SATB2: variants seen among roughly 807,000 people sequenced by gnomAD.
SATB2 encodes the protein SATB homeobox 2, also known as DNA-binding protein SATB2.
In SATB2, 1 loss-of-function variant was observed where a neutral mutation model predicts 73.4. That is an observed-to-expected ratio of 0.01 (90% CI 0.00 to 0.06). The LOEUF is 0.06. SATB2 is among the 10% of genes least tolerant of loss of function. The pLI, the probability that SATB2 is intolerant of heterozygous loss-of-function variation, is 1.00. For synonymous variants in SATB2, 397 were observed against 367.0 expected (o/e 1.08, Z -0.93); for missense variants, 459 against 945.8 (o/e 0.49, Z 6.75).
chr2:199,355,340 G>C (rs373956684), intron 6 of SATB2, among the ~76,000 whole-genome samples: 1 of 13,864 alleles, frequency 7.2e-5, no homozygotes, highest in African/African-American at 8.5e-5. Flanking sequence ...GTGTGTGTGT[G>C]TGTGTATCTA....
intron 1 of SATB2, 80 bp from the exon 2 acceptor site, chr2:199,456,176 C>A (rs1692269001): frequency 3.5e-6 from 3 of 846,282 alleles, no homozygotes; most frequent in African/African-American, 1.7e-5. Flanking sequence ...ACGTTCAGGC[C>A]AGTGGCAGAG....
intron 3 of SATB2, among the ~76,000 whole-genome samples, chr2:199,403,486 T>A (rs959384448): frequency 6.6e-6 from 1 of 152,146 alleles, no homozygotes; most frequent in Non-Finnish European, 1.5e-5. Context: ...GTAAGAAATA[T>A]CTTGGGTCAC....
chr2:199,376,136 C>G (rs529806731), intron 5 of SATB2, among the ~76,000 whole-genome samples: 2 of 152,128 alleles, frequency 1.3e-5, no homozygotes, highest in Non-Finnish European at 1.5e-5. Flanking sequence ...TCCATGATAG[C>G]TGAAAAGAGC....
In SATB2 at chr2:199,438,185, T is replaced by C. The variant is rs78333197; in HGVS notation, c.170-4671A>G. 1.5e-3 allele frequency among the ~76,000 whole-genome samples: 222 copies of C among 152,358 alleles called. 1 individual carries two copies. The highest frequency in any genetic ancestry group is 5.0e-3 in the African/African-American group (208 of 41,570). On this transcript the variant is annotated intron_variant, in intron 2 of 10. Coordinates refer to ENST00000417098, the MANE Select transcript of SATB2 (RefSeq NM_001172509.2). Reference sequence around the variant, plus strand: ...ATATTGAGTTAAATAAAATATATTATTAAAATTAACTTCACCTGTTTAACT... The same window carrying C: ...ATATTGAGTTAAATAAAATATATTACTAAAATTAACTTCACCTGTTTAACT...
intron 10 of SATB2, among the ~76,000 whole-genome samples, chr2:199,301,555 A>G (rs1687290464): frequency 6.6e-6 from 1 of 152,210 alleles, no homozygotes; most frequent in African/African-American, 2.4e-5. Flanking sequence ...AGGCATTCAG[A>G]TGACTGATTG....
At chr2:199,310,562 A>G (rs1335046559) in intron 9 of SATB2, among the ~76,000 whole-genome samples, 4 of 152,202 alleles carry the variant, frequency 2.6e-5, no homozygotes, top group Non-Finnish European at 5.9e-5. Flanking sequence ...TTCTTTGCAT[A>G]AAGTAAAAGA....
chr2:199,455,768 G>T lies in SATB2; in HGVS notation c.169+101C>A. On this transcript the variant is annotated intron_variant, in intron 2 of 10. Transcript: ENST00000417098. This position sits in a 1 kb window ranked among gnomAD's most constrained non-coding sequence, Gnocchi z 4.1. ...TTTGGCAACCTGGAATTCACTTCCT[G>T]TAATCCTACACCGCGACAGCGCCTA... 7.4e-7 allele frequency: 1 copy of T among 1,349,498 alleles called. No individual in the cohort carries two copies. The highest frequency in any genetic ancestry group is 1.0e-6 in the Non-Finnish European group (1 of 980,468). The allele number at this position is 1,349,498 out of a possible 1,614,324, so 83.6% of individuals were successfully genotyped here.
At chr2:199,437,924 T>C (rs553393985) in intron 2 of SATB2, among the ~76,000 whole-genome samples, 59 of 152,280 alleles carry the variant, frequency 3.9e-4, no homozygotes, top group African/African-American at 1.3e-3. Flanking sequence ...GACAACTGGC[T>C]TAAAGTGTTT....
At chr2:199,419,402 A>G (rs1054558588) in intron 3 of SATB2, among the ~76,000 whole-genome samples, 8 of 152,250 alleles carry the variant, frequency 5.3e-5, no homozygotes, top group Admixed American at 3.9e-4. Context: ...CCTGAAAATA[A>G]TCCATTCTCC....
At chr2:199,429,559 T>G (rs1054171959) in intron 3 of SATB2, among the ~76,000 whole-genome samples, 31 of 152,080 alleles carry the variant, frequency 2.0e-4, no homozygotes, top group Admixed American at 2.0e-3. Context: ...ATTTTGACCT[T>G]AAAAAAAATC....
chr2:199,298,791 T>C (rs1469060877), intron 10 of SATB2, among the ~76,000 whole-genome samples: 11 of 152,190 alleles, frequency 7.2e-5, no homozygotes, highest in Admixed American at 7.2e-4. Flanking sequence ...TCTACCCAGG[T>C]GGGGAAGCCC....
intron 1 of SATB2, among the ~76,000 whole-genome samples, 195 bp from the exon 2 acceptor site, chr2:199,456,291 C>T (rs1378106850): frequency 6.6e-6 from 1 of 152,262 alleles, no homozygotes; most frequent in Non-Finnish European, 1.5e-5. Flanking sequence ...AGCCCAGCGC[C>T]TCGGTTCGGC....
chr2:199,436,863 G>T (rs1286106345), intron 2 of SATB2, among the ~76,000 whole-genome samples: 1 of 148,168 alleles, frequency 6.7e-6, no homozygotes, highest in Non-Finnish European at 1.5e-5. Context: ...GAGAGAGAGA[G>T]ATTTGTCCAT....
intron 2 of SATB2, among the ~76,000 whole-genome samples, chr2:199,448,086 G>T (rs1293063741): frequency 6.6e-6 from 1 of 151,966 alleles, no homozygotes; most frequent in African/African-American, 2.4e-5. Flanking sequence ...TAGCATCTTT[G>T]GATTATGACA....
intron 10 of SATB2, among the ~76,000 whole-genome samples, chr2:199,307,800 T>G (rs886996106): frequency 6.6e-6 from 1 of 152,130 alleles, no homozygotes; most frequent in Non-Finnish European, 1.5e-5. Context: ...TTTCACTGCA[T>G]CCCTCACCAC....
chr2:199,305,293 T>C (rs775159293), intron 10 of SATB2, among the ~76,000 whole-genome samples: 6 of 152,042 alleles, frequency 3.9e-5, no homozygotes, highest in Non-Finnish European at 7.4e-5. Context: ...TCTGACTTTC[T>C]AGATTTTATG....
chr2:199,387,330 G>C (rs1029823756), intron 3 of SATB2, among the ~76,000 whole-genome samples: 3 of 152,142 alleles, frequency 2.0e-5, no homozygotes, highest in Non-Finnish European at 2.9e-5. Flanking sequence ...GCCAGAGCAC[G>C]TCCACAGTCA....
chr2:199,330,002 A>G (rs1389443801), intron 7 of SATB2, among the ~76,000 whole-genome samples: 1 of 152,206 alleles, frequency 6.6e-6, no homozygotes, highest in African/African-American at 2.4e-5. Flanking sequence ...TGTTAATCCC[A>G]TATCTTAGAA....
upstream of SATB2, among the ~76,000 whole-genome samples, chr2:199,466,129 G>A (rs1003557654): frequency 1.3e-5 from 2 of 152,152 alleles, no homozygotes; most frequent in Non-Finnish European, 2.9e-5. Flanking sequence ...CCGGAGACCC[G>A]GAGTTACTTG....
Sources: gnomAD v4.1 joint callset for allele counts (sites outside exome capture counted in the v4.1 genomes callset) on GRCh38, gnomAD v4.1.1 for gene constraint, Gnocchi (gnomAD v3.1) non-coding constraint, MANE v1.5 for transcripts, NCBI Gene and HGNC (gene_info 2026-07-23, HGNC 2026-07-21) for gene names.